The following PARN variants were observed in gnomAD, a reference collection of about 807,000 sequenced individuals.
PARN encodes the protein poly(A)-specific ribonuclease, also known as poly(A)-specific ribonuclease PARN.
In PARN, 71 loss-of-function variants were observed where a neutral mutation model predicts 102.8. The ratio of observed to expected loss-of-function variants is 0.69; its 90% CI spans 0.57 to 0.84. PARN has a LOEUF of 0.84. PARN is among the 40% of genes least tolerant of loss of function. The pLI is 0.00. For missense variants in PARN, 782 were observed against 760.9 expected, an observed-to-expected ratio of 1.03 and a Z score of -0.33; for synonymous variants, 261 against 252.9, an observed-to-expected ratio of 1.03 and a Z score of -0.30.
At chr16:14,482,608 C>T in intron 22 of PARN, 30 bp downstream of exon 22, 1 of 1,520,374 alleles carries the variant, frequency 6.6e-7, no homozygotes, top group Non-Finnish European at 8.9e-7. Context: ...AGAACTCTGG[C>T]CTTTTAAATT....
chr16:14,558,916 C>T (rs1365974160), intron 18 of PARN, among the ~76,000 whole-genome samples: 7 of 151,878 alleles, frequency 4.6e-5, no homozygotes, highest in Admixed American at 3.3e-4. Context: ...ACTGAGAAGC[C>T]CAGGGAAAAT....
chr16:14,560,066 C>T (rs1967956666), intron 18 of PARN, among the ~76,000 whole-genome samples: 1 of 152,238 alleles, frequency 6.6e-6, no homozygotes, highest in African/African-American at 2.4e-5. Flanking sequence ...TATAGGCATG[C>T]CTCATCCCAG....
At chr16:14,518,887 G>T (rs1965596205) in intron 21 of PARN, among the ~76,000 whole-genome samples, 1 of 152,056 alleles carries the variant, frequency 6.6e-6, no homozygotes. Context: ...CTCCAACTGG[G>T]GGCATAAGCT....
chr16:14,531,608 A>G (rs1447022644), intron 21 of PARN, among the ~76,000 whole-genome samples: 1 of 152,188 alleles, frequency 6.6e-6, no homozygotes, highest in Non-Finnish European at 1.5e-5. Context: ...CTAACCTTCT[A>G]CCATGCTTAA....
At chr16:14,576,327 T>G (rs1162813555) in intron 18 of PARN, 1 of 152,218 alleles carries the variant, frequency 6.6e-6, no homozygotes, top group East Asian at 1.9e-4. Context: ...ACTGCAGGCA[T>G]CTAGCTCATC....
intron 18 of PARN, among the ~76,000 whole-genome samples, chr16:14,562,488 A>C (rs1326638292): frequency 6.6e-6 from 1 of 151,650 alleles, no homozygotes; most frequent in African/African-American, 2.4e-5. Context: ...AAAACTATTA[A>C]ATACCAAGGA....
At chr16:14,504,454 G>A (rs1964782696) in intron 21 of PARN, among the ~76,000 whole-genome samples, 2 of 152,148 alleles carry the variant, frequency 1.3e-5, no homozygotes, top group African/African-American at 4.8e-5. Context: ...AGCTACTCGG[G>A]AGGCTGAGGC....
At chr16:14,561,202 C>A (rs1295359642) in intron 18 of PARN, among the ~76,000 whole-genome samples, 1 of 151,758 alleles carries the variant, frequency 6.6e-6, no homozygotes, top group Non-Finnish European at 1.5e-5. Context: ...CACTGTGTCC[C>A]AGGCTGCCTA....
At chr16:14,549,508 A>G (rs1350516002) in intron 21 of PARN, among the ~76,000 whole-genome samples, 13 of 152,228 alleles carry the variant, frequency 8.5e-5, no homozygotes, top group Admixed American at 2.6e-4. Context: ...GATTAGAGTT[A>G]CCACGGAATA....
chr16:14,459,695 T>A (rs1961859299), intron 22 of PARN, among the ~76,000 whole-genome samples: 1 of 152,156 alleles, frequency 6.6e-6, no homozygotes, highest in Non-Finnish European at 1.5e-5. Flanking sequence ...GTGAATAGAA[T>A]AAACTTTTAT....
In PARN at chr16:14,561,966, A is replaced by G. The variant is rs189218575; in HGVS notation, c.1263-6257T>C. Among the ~76,000 whole-genome samples, 17 of 152,288 alleles carry G rather than the reference A, an allele frequency of 1.1e-4. No homozygotes were observed. In the East Asian group the frequency reaches 3.1e-3, roughly 28 times the overall value. ...CAAGAGTTCCAGACTGGCCTTGCCA[A>G]TATGGCAAAACCCCATCTCTACTAA... is the stretch of plus-strand genomic sequence containing the variant. On this transcript the variant is annotated intron_variant, in intron 18 of 23. Transcript: ENST00000437198.
chr16:14,484,990 G>A (rs1004244896), intron 21 of PARN, among the ~76,000 whole-genome samples: 10 of 152,262 alleles, frequency 6.6e-5, no homozygotes, highest in Middle Eastern at 3.4e-3. Flanking sequence ...AGGCCAAGGC[G>A]GGAGGATAAC....
At chr16:14,594,505 G>A (rs376628653) in intron 12 of PARN, among the ~76,000 whole-genome samples, 15 of 152,024 alleles carry the variant, frequency 9.9e-5, no homozygotes, top group African/African-American at 2.9e-4. Flanking sequence ...ACCTGAGGTC[G>A]GGAGTTTGAG....
At chr16:14,441,499 C>T (rs1468171238) in intron 23 of PARN, among the ~76,000 whole-genome samples, 2 of 152,204 alleles carry the variant, frequency 1.3e-5, no homozygotes, top group Non-Finnish European at 1.5e-5. Context: ...CATCCGTACA[C>T]AGGAAGGTCC....
chr16:14,602,834 C>T (rs929368919), intron 11 of PARN, among the ~76,000 whole-genome samples: 1 of 152,076 alleles, frequency 6.6e-6, no homozygotes, highest in Non-Finnish European at 1.5e-5. Context: ...CAGAAGAGAG[C>T]TGCAGAGTAT....
At chr16:14,571,904 G>A (rs1341709492) in intron 18 of PARN, among the ~76,000 whole-genome samples, 1 of 152,204 alleles carries the variant, frequency 6.6e-6, no homozygotes, top group Non-Finnish European at 1.5e-5. Flanking sequence ...AGATCCTGAA[G>A]TAAAGCAATC....
chr16:14,615,076 G>A (rs1056934890), intron 6 of PARN, among the ~76,000 whole-genome samples: 11 of 151,892 alleles, frequency 7.2e-5, no homozygotes, highest in African/African-American at 2.2e-4. Flanking sequence ...GAAGACTGCC[G>A]TAAAGAAAGG....
At chr16:14,488,323 G>C (rs565054367) in intron 21 of PARN, among the ~76,000 whole-genome samples, 153 of 152,290 alleles carry the variant, frequency 1.0e-3, no homozygotes, top group African/African-American at 3.4e-3. Context: ...TTCTGAGCTT[G>C]AAGTAGGGAA....
chr16:14,457,733 G>A (rs966712067), intron 22 of PARN, among the ~76,000 whole-genome samples: 6 of 146,338 alleles, frequency 4.1e-5, no homozygotes, highest in African/African-American at 1.5e-4. Flanking sequence ...GGGAGGCGGA[G>A]GTTGCAGTGA....
Sources: gnomAD v4.1 joint callset for allele counts (sites outside exome capture counted in the v4.1 genomes callset) on GRCh38, gnomAD v4.1.1 for gene constraint, MANE v1.5 for transcripts, NCBI Gene and HGNC (gene_info 2026-07-23, HGNC 2026-07-21) for gene names.